Variants in GRIN2C observed in about 807,000 individuals in gnomAD.
GRIN2C encodes the protein glutamate receptor ionotropic, NMDA 2C.
GRIN2C carries 64 observed loss-of-function variants against 77.7 expected under a neutral mutation model. The observed-to-expected ratio is 0.82, with a 90% CI of 0.67 to 1.01. The LOEUF is 1.01. Among genes scored for constraint, GRIN2C ranks in the 50% least tolerant of loss-of-function variants. GRIN2C has a pLI of 0.00. For missense variants in GRIN2C, 1,549 were observed against 1,486.0 expected (o/e 1.04, Z -0.70); for synonymous variants, 792 against 643.4 (o/e 1.23, Z -3.49).
intron 2 of GRIN2C, 28 bp downstream of exon 2, chr17:74,854,666 A>C (rs1441334588): frequency 1.3e-6 from 2 of 1,587,506 alleles, no homozygotes; most frequent in South Asian, 2.2e-5. Context: ...GGCCTGAGGC[A>C]CGAGGGGACA....
At chr17:74,844,048 A>AT (rs1567887928) in intron 12 of GRIN2C, 2 of 845,462 alleles carry the variant, frequency 2.4e-6, no homozygotes, top group African/African-American at 3.4e-5. Flanking sequence ...TAATTCTTTT[A>AT]TTTTCTGTAG....
chr17:74,851,881 G>C (rs1348360843), intron 3 of GRIN2C, 132 bp downstream of exon 3: 1 of 734,196 alleles, frequency 1.4e-6, no homozygotes, highest in Non-Finnish European at 2.2e-6. Flanking sequence ...CTAAGGCCCA[G>C]ACAGGTGGGG....
At position 74,846,960 on chromosome 17, in the gene GRIN2C, C is replaced by T. The variant is rs1458800925; in HGVS notation, c.2002-40G>A. 1 of 1,578,706 alleles carries T rather than the reference C, an allele frequency of 6.3e-7. No individual in the cohort carries two copies. The highest frequency in any genetic ancestry group is 8.6e-7 in the Non-Finnish European group (1 of 1,161,126). On this transcript the variant is annotated intron_variant, in intron 9 of 12. Coordinates refer to ENST00000293190, the MANE Select transcript of GRIN2C (RefSeq NM_000835.6). The surrounding 1 kb of genome is among the most constrained non-coding windows in gnomAD (Gnocchi z 4.4). ...CAGCAGCCAGTCACAACCCTTCCTCCAGCCTTCCAGGCACCAAAGCCCCAA... is the reference window on the plus strand; with the variant it reads ...CAGCAGCCAGTCACAACCCTTCCTCTAGCCTTCCAGGCACCAAAGCCCCAA...
Position 74,847,737 on chromosome 17 carries a change from G to C in GRIN2C, c.1771+115C>G. On this transcript the variant is annotated intron_variant, in intron 8 of 12. Coordinates refer to ENST00000293190, the MANE Select transcript of GRIN2C (RefSeq NM_000835.6). The surrounding 1 kb of genome is among the most constrained non-coding windows in gnomAD (Gnocchi z 5.2). ...GTCATCTGACTGGCCCCCAGCATGT[G>C]CCATCCAAAAGCAAGGGACCTCCCA... The C allele has an allele frequency of 9.3e-7, 1 of 1,070,468 alleles. No individual in the cohort carries two copies. The highest frequency in any genetic ancestry group is 1.4e-6 in the Non-Finnish European group (1 of 721,740). 66.3% of individuals were successfully genotyped at this position (1,070,468 alleles called of 1,614,324 possible).
At position 74,850,872 on chromosome 17, in the gene GRIN2C, C is replaced by A. The variant is rs2037620793; in HGVS notation, c.1114-105G>T. 2.2e-5 allele frequency: 21 copies of A among 976,642 alleles called. No homozygotes were observed. The highest frequency in any genetic ancestry group is 3.1e-5 in the Non-Finnish European group (20 of 638,162). The allele number at this position is 976,642 out of a possible 1,614,324, so 60.5% of individuals were successfully genotyped here. On this transcript the variant is annotated intron_variant, in intron 4 of 12. Coordinates refer to ENST00000293190, the MANE Select transcript of GRIN2C (RefSeq NM_000835.6). This position sits in a 1 kb window ranked among gnomAD's most constrained non-coding sequence, Gnocchi z 5.3. ...AATCTCCCTCTCTCACCTAGGGATGCTGGGGCAGGTCAGAGTAGGGCTGCT... is the reference window on the plus strand; with the variant it reads ...AATCTCCCTCTCTCACCTAGGGATGATGGGGCAGGTCAGAGTAGGGCTGCT...
chr17:74,861,235 T>G (rs966231432), upstream of GRIN2C, among the ~76,000 whole-genome samples: 1 of 151,976 alleles, frequency 6.6e-6, no homozygotes, highest in African/African-American at 2.4e-5. Flanking sequence ...GCCGCCCGGG[T>G]CAAAACCCAA....
chr17:74,855,551 ATGTT>A (rs1160342870), intron 1 of GRIN2C, among the ~76,000 whole-genome samples: 9 of 152,210 alleles, frequency 5.9e-5, no homozygotes, highest in Non-Finnish European at 1.2e-4. Context: ...TCTCTGAGCC[ATGTT>A]TTCTTGCCTG....
rs369284269 is a variant in GRIN2C at position 74,849,846 on chromosome 17, C to T, written c.1579G>A (p.Val527Met). ...ACCATCACACTGATGCCCGTCTCCA[C>T]AAAGGGTACAGAGAAGTCTACGATC... ...SEIVDFSVPF[V>M]ETGISVMVAR... Residue 527 changes from valine to methionine, a missense_variant, in exon 7 of 13, where the codon GTG (valine) becomes ATG (methionine). This residue lies in a region of GRIN2C where 717 missense variants were observed against 858.1 expected (regional missense o/e 0.84). Coordinates refer to ENST00000293190, the MANE Select transcript of GRIN2C (RefSeq NM_000835.6). This position sits in a 1 kb window ranked among gnomAD's most constrained non-coding sequence, Gnocchi z 4.6. 12 of 1,613,324 alleles carry T rather than the reference C, an allele frequency of 7.4e-6. No homozygotes were observed. Among genetic ancestry groups the T allele is most frequent in the Non-Finnish European group, 9.3e-6 (11 of 1,179,804 alleles).
chr17:74,858,365 G>A (rs1163732739), intron 1 of GRIN2C, among the ~76,000 whole-genome samples: 1 of 142,188 alleles, frequency 7.0e-6, no homozygotes, highest in Non-Finnish European at 1.5e-5. Context: ...GTCGGGGGGT[G>A]GGGGAGTTGA....
rs1282183573 is a variant in GRIN2C at position 74,847,273 on chromosome 17, C to T, written c.2001+35G>A. 15 of 246,620 alleles carry T rather than the reference C, an allele frequency of 6.1e-5. No homozygotes were observed. Among genetic ancestry groups the T allele is most frequent in the South Asian group, 2.0e-4 (6 of 30,292 alleles). The allele number at this position is 246,620 out of a possible 1,614,324, so 15.3% of individuals were successfully genotyped here. On this transcript the variant is annotated intron_variant, in intron 9 of 12. Transcript: ENST00000293190. This position sits in a 1 kb window ranked among gnomAD's most constrained non-coding sequence, Gnocchi z 5.2. The stretch of plus-strand genomic sequence containing the variant: ...TCACGGCCTGTCCCCACCCTCAGTG[C>T]CCCCCCCCACCCCCAGCAGCTATGG...
rs1165353968 is a variant in GRIN2C at position 74,846,972 on chromosome 17, C to T, written c.2002-52G>A. ...ACAACCCTTCCTCCAGCCTTCCAGG[C>T]ACCAAAGCCCCAAACCCACCCCAGA... On this transcript the variant is annotated intron_variant, in intron 9 of 12. Coordinates refer to ENST00000293190, the MANE Select transcript of GRIN2C (RefSeq NM_000835.6). The surrounding 1 kb of genome is among the most constrained non-coding windows in gnomAD (Gnocchi z 4.4). The T allele has an allele frequency of 1.3e-6, 2 of 1,566,264 alleles. No individual in the cohort carries two copies. The highest frequency in any genetic ancestry group is 4.5e-5 in the East Asian group (2 of 44,524).
At position 74,854,939 on chromosome 17, in the gene GRIN2C, G is replaced by A. The variant is rs1298812059; in HGVS notation, c.154C>T (p.Pro52Ser). 3 of 1,613,272 alleles carry A rather than the reference G, an allele frequency of 1.9e-6. No homozygotes were observed. Among genetic ancestry groups the A allele is most frequent in the Non-Finnish European group, 2.5e-6 (3 of 1,179,976 alleles). The change falls in exon 2 of 13, where the codon CCC (proline) becomes TCC (serine). Residue 52 changes from proline to serine, a missense_variant. By Grantham distance (74) the Pro-to-Ser change is moderately conservative. Around this residue, in one of 3 missense-constraint regions of GRIN2C, gnomAD observed 382 missense variants for 360.0 expected, o/e 1.06. Transcript: ENST00000293190. ...PQAQFRARLT[P>S]QSFLDLPLEI... Reference sequence around the variant, plus strand: ...AGGGGTAGGTCCAGGAAGCTCTGGGGGGTGAGGCGGGCACGGAACTGGGCC... The same window carrying A: ...AGGGGTAGGTCCAGGAAGCTCTGGGAGGTGAGGCGGGCACGGAACTGGGCC...
chr17:74,850,130 C>A lies in GRIN2C; in HGVS notation c.1491+76G>T. On this transcript the variant is annotated intron_variant, in intron 6 of 12. Coordinates refer to ENST00000293190, the MANE Select transcript of GRIN2C (RefSeq NM_000835.6). This position sits in a 1 kb window ranked among gnomAD's most constrained non-coding sequence, Gnocchi z 5.3. ...ACAGCCCATGCCCCCCTCTAGAGGG[C>A]ATCTGAGAGCCACATGGGGCCTGGG... The A allele has an allele frequency of 6.5e-7, 1 of 1,527,870 alleles. No homozygotes were observed. Among genetic ancestry groups the A allele is most frequent in the Non-Finnish European group, 9.0e-7 (1 of 1,112,014 alleles). 94.6% of individuals were successfully genotyped at this position (1,527,870 alleles called of 1,614,324 possible).
Position 74,843,529 on chromosome 17 carries a change from C to A in GRIN2C, c.2608G>T (p.Val870Leu). Residue 870 changes from valine to leucine, a missense_variant, in exon 13 of 13, where the codon GTG (valine) becomes TTG (leucine). Val to Leu is a conservative substitution (Grantham distance 32, BLOSUM62 1). Coordinates refer to ENST00000293190, the MANE Select transcript of GRIN2C (RefSeq NM_000835.6). ...CGCGGTGGGCTGGCGAGGCTCTGCACCCCGCTGAAGCAGCTGTAGATGCCC... is the reference window on the plus strand; with the variant it reads ...CGCGGTGGGCTGGCGAGGCTCTGCAACCCGCTGAAGCAGCTGTAGATGCCC... ...SRGIYSCFSG[V>L]QSLASPPRQA... 1 of 1,533,254 alleles carries A rather than the reference C, an allele frequency of 6.5e-7. No homozygotes were observed. The highest frequency in any genetic ancestry group is 8.7e-7 in the Non-Finnish European group (1 of 1,146,436). The allele number at this position is 1,533,254 out of a possible 1,614,324, so 95.0% of individuals were successfully genotyped here. A position where few individuals can be genotyped will look rare whatever the true frequency, so the allele number is the denominator to read the frequency against.
At chr17:74,848,655 G>A (rs1435363522) in intron 7 of GRIN2C, among the ~76,000 whole-genome samples, 1 of 152,046 alleles carries the variant, frequency 6.6e-6, no homozygotes, top group African/African-American at 2.4e-5. Context: ...AGCTGAGAGC[G>A]CACCACTGCA....
chr17:74,843,153 G>A lies in GRIN2C; in HGVS notation c.2984C>T (p.Ser995Leu). 2.4e-6 allele frequency: 1 copy of A among 413,756 alleles called. No individual in the cohort carries two copies. The highest frequency in any genetic ancestry group is 4.2e-6 in the Non-Finnish European group (1 of 236,434). The allele number at this position is 413,756 out of a possible 1,614,324, so 25.6% of individuals were successfully genotyped here. Residue 995 changes from serine (S) to leucine (L), a missense_variant, in exon 13 of 13, where the codon TCG (serine) becomes TTG (leucine). This residue lies in a region of GRIN2C where 450 missense variants were observed against 267.9 expected (regional missense o/e 1.68). Transcript: ENST00000293190. ...GPPLSDVSRVSRRPAWEARWP... is the reference protein window; with the variant it reads ...GPPLSDVSRVLRRPAWEARWP... ...CCGCGCCTCCCAGGCTGGGCGGCGC[G>A]ACACTCGGGAGACGTCGGACAGGGG...
intron 11 of GRIN2C, among the ~76,000 whole-genome samples, chr17:74,845,261 ATT>A (rs34846249): frequency 0.015 from 1,465 of 97,610 alleles, 16 homozygotes; most frequent in East Asian, 0.047. Flanking sequence ...GAGAAATCAG[ATT>A]TTTTTTTTTT....
At position 74,852,453 on chromosome 17, in the gene GRIN2C, G is replaced by T; in HGVS notation, c.558C>A (p.Ala186=). ...GCCGCCAACTCACGTGGCTGGCGTCGGCGACGGCGCGCACGCCCTCCAGGA... is the reference window on the plus strand; with the variant it reads ...GCCGCCAACTCACGTGGCTGGCGTCTGCGACGGCGCGCACGCCCTCCAGGA... The part of the protein sequence containing the change: ...ALFLEGVRAV[A]DASHVSWRLL... Residue 186 remains alanine, a synonymous_variant, in exon 3 of 13, where the codon GCC becomes GCA. Transcript: ENST00000293190. 1 of 1,547,194 alleles carries T rather than the reference G, an allele frequency of 6.5e-7. No homozygotes were observed. Among genetic ancestry groups the T allele is most frequent in the Non-Finnish European group, 8.6e-7 (1 of 1,157,040 alleles).
In GRIN2C at chr17:74,850,192, G is replaced by A; in HGVS notation, c.1491+14C>T. 6.2e-7 allele frequency: 1 copy of A among 1,612,140 alleles called. No individual in the cohort carries two copies. Among genetic ancestry groups the A allele is most frequent in the Non-Finnish European group, 8.5e-7 (1 of 1,179,382 alleles). On this transcript the variant is annotated intron_variant, in intron 6 of 12. Transcript: ENST00000293190. This position sits in a 1 kb window ranked among gnomAD's most constrained non-coding sequence, Gnocchi z 5.3. ...CAGGCAGGGCAGGTGAGGAGGGAGTGGGGTGGGGCCTACCTCCCCAATCAT... is the reference window on the plus strand; with the variant it reads ...CAGGCAGGGCAGGTGAGGAGGGAGTAGGGTGGGGCCTACCTCCCCAATCAT...
Sources: gnomAD v4.1 joint callset for allele counts (sites outside exome capture counted in the v4.1 genomes callset) on GRCh38, gnomAD v4.1.1 for gene constraint, gnomAD v4.1.1 regional missense constraint, Gnocchi (gnomAD v3.1) non-coding constraint, MANE v1.5 for transcripts, NCBI Gene and HGNC (gene_info 2026-07-23, HGNC 2026-07-21) for gene names.